MMP25: variants seen among roughly 807,000 people sequenced by gnomAD.
MMP25 encodes the protein matrix metallopeptidase 25, also known as matrix metalloproteinase-25.
MMP25 carries 68 observed loss-of-function variants against 62.1 expected under a neutral mutation model. The observed-to-expected ratio is 1.10, with a 90% CI of 0.90 to 1.34. The LOEUF (loss-of-function observed/expected upper bound fraction) is 1.34, where lower values mean the gene tolerates loss of function less well. Ranked by LOEUF, MMP25 falls within the 40% of genes most tolerant of loss-of-function variation. The pLI is 0.00. For missense variants in MMP25, 942 were observed against 792.5 expected, an observed-to-expected ratio of 1.19 and a Z score of -2.26; for synonymous variants, 407 against 345.6, an observed-to-expected ratio of 1.18 and a Z score of -1.97.
chr16:3,046,971 C>G lies in MMP25; in HGVS notation c.54C>G (p.Pro18=). ...TGCTGCTTCTGCTGCTGGCACCGCCCGCGCGCGCCCCGAAGCCCTCGGCGC... is the reference window on the plus strand; with the variant it reads ...TGCTGCTTCTGCTGCTGGCACCGCCGGCGCGCGCCCCGAAGCCCTCGGCGC... ...LALLLLLLAP[P]ARAPKPSAQD... is the part of the protein sequence containing the mutation. The change falls in exon 1 of 10, where the codon CCC becomes CCG. Residue 18 remains proline (P), a synonymous_variant. Coordinates refer to ENST00000336577, the MANE Select transcript of MMP25 (RefSeq NM_022468.5). 1 of 1,472,508 alleles carries G rather than the reference C, an allele frequency of 6.8e-7. No individual in the cohort carries two copies. The highest frequency in any genetic ancestry group is 8.9e-7 in the Non-Finnish European group (1 of 1,119,952). The allele number at this position is 1,472,508 out of a possible 1,614,324, so 91.2% of individuals were successfully genotyped here.
chr16:3,057,024 C>G lies in MMP25; in HGVS notation c.662-9C>G, dbSNP rs1054345018. 1 of 1,556,740 alleles carries G rather than the reference C, an allele frequency of 6.4e-7. No homozygotes were observed. Among genetic ancestry groups the G allele is most frequent in the Admixed American group, 1.9e-5 (1 of 53,184 alleles). ...GGCGGCCGCAGCTCTCACCCACTTT[C>G]TCCTGCAGACGGCGAGGGGACCGAC... On this transcript the variant is annotated splice_polypyrimidine_tract_variant and intron_variant, in intron 4 of 9. Coordinates refer to ENST00000336577, the MANE Select transcript of MMP25 (RefSeq NM_022468.5).
At position 3,046,949 on chromosome 16, in the gene MMP25, T is replaced by A; in HGVS notation, c.32T>A (p.Leu11Gln). Residue 11 changes from leucine to glutamine, a missense_variant, in exon 1 of 10, where the codon CTG becomes CAG. By Grantham distance (113) the Leu-to-Gln change is moderately radical. Transcript: ENST00000336577. MRLRLRLLAL[L>Q]LLLLAPPARA... Reference sequence around the variant, plus strand: ...CTGCGGCTCCGGCTTCTGGCGCTGCTGCTTCTGCTGCTGGCACCGCCCGCG... The same window carrying A: ...CTGCGGCTCCGGCTTCTGGCGCTGCAGCTTCTGCTGCTGGCACCGCCCGCG... 3 of 1,470,864 alleles carry A rather than the reference T, an allele frequency of 2.0e-6. No individual in the cohort carries two copies. The highest frequency in any genetic ancestry group is 2.7e-6 in the Non-Finnish European group (3 of 1,119,528). The allele number at this position is 1,470,864 out of a possible 1,614,324, so 91.1% of individuals were successfully genotyped here.
rs1251431431 is a variant in MMP25 at position 3,057,568 on chromosome 16, T to G, written c.961T>G (p.Phe321Val). Residue 321 changes from phenylalanine to valine, a missense_variant, in exon 7 of 10, where the codon TTT becomes GTT. Transcript: ENST00000336577. ...FPIPDRCEGN[F>V]DAIANIRGET... ...CATCCCTGATCGATGTGAGGGCAAT[T>G]TTGACGCCATCGCCAACATCCGAGG... 6.2e-7 allele frequency: 1 copy of G among 1,614,152 alleles called. No individual in the cohort carries two copies. The highest frequency in any genetic ancestry group is 8.5e-7 in the Non-Finnish European group (1 of 1,180,024).
Position 3,050,150 on chromosome 16 carries a change from T to C in MMP25, c.368+6T>C, listed in dbSNP as rs1258332566. 1 of 1,601,110 alleles carries C rather than the reference T, an allele frequency of 6.2e-7. No individual in the cohort carries two copies. Among genetic ancestry groups the C allele is most frequent in the Non-Finnish European group, 8.5e-7 (1 of 1,170,624 alleles). On this transcript the variant is annotated splice_donor_region_variant and intron_variant, in intron 3 of 9. Transcript: ENST00000336577. ...AAGCGAACCCTGACATGGAGGTAGG[T>C]CCTGGGGCCCACCCGCACCCTGGCC...
rs775305910 is a variant in MMP25, at chr16:3,050,555, T to G, written c.661+9T>G. On this transcript the variant is annotated intron_variant, in intron 4 of 9. Coordinates refer to ENST00000336577, the MANE Select transcript of MMP25 (RefSeq NM_022468.5). ...GACTTTTGGGTCAAAAGGTAAAATC[T>G]CCTCTCTTATGAGAGATCCTCTTGC... The G allele has an allele frequency of 6.6e-7, 1 of 1,525,170 alleles. No individual in the cohort carries two copies. Among genetic ancestry groups the G allele is most frequent in the Non-Finnish European group, 8.8e-7 (1 of 1,138,004 alleles). The allele number at this position is 1,525,170 out of a possible 1,614,324, so 94.5% of individuals were successfully genotyped here.
chr16:3,049,524 C>T (rs1019195411), intron 2 of MMP25, among the ~76,000 whole-genome samples: 13 of 152,328 alleles, frequency 8.5e-5, no homozygotes, highest in African/African-American at 2.4e-4. Context: ...CCAGAGAGAC[C>T]TAACCCAGGA....
In MMP25 at chr16:3,049,183, C is replaced by T. The variant is rs116957794; in HGVS notation, c.233-826C>T. Among the ~76,000 whole-genome samples, 849 of 151,694 alleles carry T rather than the reference C, an allele frequency of 5.6e-3. 1 individual carries two copies. The highest frequency in any genetic ancestry group is 9.4e-3 in the Non-Finnish European group (636 of 67,914). ...AGGAGCCCTGAGACCAGGCAGAAGACGGCTGCGGAGTCCACACGAGGGATG... is the reference window on the plus strand; with the variant it reads ...AGGAGCCCTGAGACCAGGCAGAAGATGGCTGCGGAGTCCACACGAGGGATG... On this transcript the variant is annotated intron_variant, in intron 2 of 9. Coordinates refer to ENST00000336577, the MANE Select transcript of MMP25 (RefSeq NM_022468.5).
Position 3,047,403 on chromosome 16 carries a change from C to T in MMP25, c.100-12C>T. ...ACCCAGCCCGCTTCACCTGCCCCCT[C>T]CGATGCCCTAGGACTGGCTGACTCG... On this transcript the variant is annotated splice_polypyrimidine_tract_variant and intron_variant, in intron 1 of 9. Coordinates refer to ENST00000336577, the MANE Select transcript of MMP25 (RefSeq NM_022468.5). The T allele has an allele frequency of 1.2e-6, 2 of 1,607,250 alleles. No individual in the cohort carries two copies. The highest frequency in any genetic ancestry group is 2.2e-5 in the East Asian group (1 of 44,680).
At chr16:3,053,648 T>G (rs1311598088) in intron 4 of MMP25, 1 of 151,472 alleles carries the variant, frequency 6.6e-6, no homozygotes, top group Admixed American at 6.6e-5. Flanking sequence ...GGAACGTGAC[T>G]GTCAGGTACA....
intron 6 of MMP25, 42 bp downstream of exon 6, chr16:3,057,436 C>A: frequency 6.2e-7 from 1 of 1,601,544 alleles, no homozygotes; most frequent in Non-Finnish European, 8.5e-7. Context: ...TGACCAGCTG[C>A]CCAGCCTCAG....
At chr16:3,057,750 G>A in intron 7 of MMP25, 137 bp downstream of exon 7, 2 of 782,280 alleles carry the variant, frequency 2.6e-6, no homozygotes, top group East Asian at 2.5e-5. Context: ...CTGGGCCGCA[G>A]TGCAGTGGTG....
chr16:3,053,422 A>G (rs1567125899), intron 4 of MMP25: 1 of 151,872 alleles, frequency 6.6e-6, no homozygotes, highest in Non-Finnish European at 1.5e-5. Context: ...CCTTAACCTC[A>G]TTGTCTCAGG....
In MMP25 at chr16:3,046,811, G is replaced by T; in HGVS notation, c.-107G>T. The T allele has an allele frequency of 3.6e-6, 2 of 551,172 alleles. No homozygotes were observed. Among genetic ancestry groups the T allele is most frequent in the Non-Finnish European group, 2.9e-6 (1 of 339,844 alleles). 34.1% of individuals were successfully genotyped at this position (551,172 alleles called of 1,614,324 possible). ...GGCCGATCCCTCCCTACTCGGTGCC[G>T]GGTGCCCCCCGCCCTCTCCAGGCCC... On this transcript the variant is annotated 5_prime_UTR_variant, in exon 1 of 10. Transcript: ENST00000336577.
At chr16:3,049,658 C>A (rs556056245) in intron 2 of MMP25, among the ~76,000 whole-genome samples, 1 of 152,306 alleles carries the variant, frequency 6.6e-6, no homozygotes, top group African/African-American at 2.4e-5. Flanking sequence ...GGGTTCCAGC[C>A]TCAAAGGGTC....
chr16:3,055,456 G>A (rs1361528148), intron 4 of MMP25, among the ~76,000 whole-genome samples: 1 of 152,220 alleles, frequency 6.6e-6, no homozygotes, highest in Non-Finnish European at 1.5e-5. Flanking sequence ...CAGTGCGGAT[G>A]TGATTTGAGC....
chr16:3,057,457 G>C (rs1180548148), intron 6 of MMP25, 63 bp downstream of exon 6: 8 of 1,599,302 alleles, frequency 5.0e-6, no homozygotes, highest in Non-Finnish European at 6.9e-6. Flanking sequence ...TGTCCTCTGA[G>C]ATGGGGATGG....
chr16:3,054,139 T>G (rs573644777), intron 4 of MMP25: 1 of 148,964 alleles, frequency 6.7e-6, no homozygotes, highest in South Asian at 2.1e-4. Flanking sequence ...GAGGCAGGGA[T>G]GGATGGACGG....
In MMP25 at chr16:3,059,158, C is replaced by T; in HGVS notation, c.*60C>T. 6.8e-7 allele frequency: 1 copy of T among 1,467,058 alleles called. No individual in the cohort carries two copies. Among genetic ancestry groups the T allele is most frequent in the South Asian group, 1.4e-5 (1 of 73,710 alleles). The allele number at this position is 1,467,058 out of a possible 1,614,324, so 90.9% of individuals were successfully genotyped here. A position where few individuals can be genotyped will look rare whatever the true frequency, so the allele number is the denominator to read the frequency against. ...ACGGCCGAGTCCCCCGCCGCTGGAC[C>T]TGGTCGGGGGTTGTGAGGCGCTGCG... is the stretch of plus-strand genomic sequence containing the variant. On this transcript the variant is annotated 3_prime_UTR_variant, in exon 10 of 10. Transcript: ENST00000336577.
In MMP25 at chr16:3,058,970, C is replaced by T. The variant is rs746233138; in HGVS notation, c.1561C>T (p.Pro521Ser). ...CTCTGGTCCCCGCGCCCCCAGGCCCCCCAAAGCGACCCCCGTGTCCGAAAC... is the reference window on the plus strand; with the variant it reads ...CTCTGGTCCCCGCGCCCCCAGGCCCTCCAAAGCGACCCCCGTGTCCGAAAC... ...PSSGPRAPRP[P>S]KATPVSETCD... The change falls in exon 10 of 10, where the codon CCC becomes TCC. Residue 521 changes from proline to serine, a missense_variant. By Grantham distance (74) the Pro-to-Ser change is moderately conservative (BLOSUM62 -1). Coordinates refer to ENST00000336577, the MANE Select transcript of MMP25 (RefSeq NM_022468.5). 5 of 1,554,096 alleles carry T rather than the reference C, an allele frequency of 3.2e-6. No homozygotes were observed. The highest frequency in any genetic ancestry group is 4.4e-6 in the Non-Finnish European group (5 of 1,149,054).
Sources: allele counts gnomAD v4.1 joint callset (sites outside exome capture counted in the v4.1 genomes callset), GRCh38; gene constraint gnomAD v4.1.1; transcripts MANE v1.5; gene names NCBI Gene and HGNC (gene_info 2026-07-23, HGNC 2026-07-21).